Variants in ORC5 observed in about 807,000 individuals in gnomAD.
The protein encoded by ORC5 is protein phosphatase 1, regulatory subunit 117.
Under a neutral mutation model 58.8 loss-of-function variants are expected in ORC5, and 39 were observed. That is an observed-to-expected ratio of 0.66 (90% confidence interval 0.51 to 0.87). The LOEUF is 0.87. Among genes scored for constraint, ORC5 ranks in the 40% least tolerant of loss-of-function variants. ORC5 has a pLI of 0.00. For synonymous variants in ORC5, 218 were observed against 177.6 expected, an observed-to-expected ratio of 1.23 and a Z score of -1.81; for missense variants, 493 against 506.3, an observed-to-expected ratio of 0.97 and a Z score of 0.25.
At chr7:104,186,234 C>A (rs1799540233) in intron 6 of ORC5, among the ~76,000 whole-genome samples, 1 of 151,360 alleles carries the variant, frequency 6.6e-6, no homozygotes. Context: ...CAACCAAACA[C>A]AGATCACAAA....
At chr7:104,151,020 A>G (rs1283880640) in intron 12 of ORC5, among the ~76,000 whole-genome samples, 2 of 152,140 alleles carry the variant, frequency 1.3e-5, no homozygotes, top group African/African-American at 4.8e-5. Flanking sequence ...CGATAGTTGT[A>G]AGGGGAAAGT....
intron 12 of ORC5, among the ~76,000 whole-genome samples, chr7:104,153,759 C>T (rs1423405241): frequency 3.3e-5 from 5 of 152,108 alleles, no homozygotes; most frequent in Admixed American, 1.3e-4. Flanking sequence ...ATAATGCCCA[C>T]ACTCAAATCA....
At chr7:104,160,671 A>C (rs1477775558) in intron 12 of ORC5, among the ~76,000 whole-genome samples, 2 of 152,124 alleles carry the variant, frequency 1.3e-5, no homozygotes, top group African/African-American at 2.4e-5. Flanking sequence ...CTATCTGCAA[A>C]GTACATAGAT....
rs984621954 is a variant in ORC5, at chr7:104,136,206, C to T, written c.1262+575G>A. 2.6e-5 allele frequency among the ~76,000 whole-genome samples: 4 copies of T among 152,124 alleles called. No individual in the cohort carries two copies. Among genetic ancestry groups the T allele is most frequent in the African/African-American group, 2.4e-5 (1 of 41,404 alleles). ...TGTCCTTCCTAAGGCTTTTCTCTCA[C>T]ACTCTGTCCTTCAGTCAGGGATGTG... On this transcript the variant is annotated intron_variant, in intron 13 of 13. Coordinates refer to ENST00000297431, the MANE Select transcript of ORC5 (RefSeq NM_002553.4). The surrounding 1 kb of genome is among the most constrained non-coding windows in gnomAD (Gnocchi z 4.2).
chr7:104,205,815 G>C (rs757560420), intron 1 of ORC5, among the ~76,000 whole-genome samples: 7 of 152,084 alleles, frequency 4.6e-5, no homozygotes, highest in Non-Finnish European at 7.3e-5. Context: ...TCAGGAGTTC[G>C]CCTGGGAAAT....
intron 9 of ORC5, chr7:104,168,131 T>C (rs1296618120): frequency 5.3e-6 from 2 of 377,402 alleles, no homozygotes; most frequent in Non-Finnish European, 7.9e-6. Flanking sequence ...AATTACATTT[T>C]ATTCCATAAA....
In ORC5 at chr7:104,204,142, C is replaced by A; in HGVS notation, c.165G>T (p.Glu55Asp). The stretch of plus-strand genomic sequence containing the variant: ...AAATATTTAATATTTTTATTCTTAC[C>A]TCTAAAGTTTTCAACAACGTTTGTG... Reference protein sequence around the residue: ...YVTQTLLKTLELPHVFVNCVE... With the variant: ...YVTQTLLKTLDLPHVFVNCVE... The change falls in exon 2 of 14, where the codon GAG becomes GAT. Residue 55 changes from glutamate to aspartate, a missense_variant and splice_region_variant. Physicochemically the swap from Glu to Asp is conservative, Grantham distance 45. Coordinates refer to ENST00000297431, the MANE Select transcript of ORC5 (RefSeq NM_002553.4). 1 of 1,499,490 alleles carries A rather than the reference C, an allele frequency of 6.7e-7. No homozygotes were observed. Among genetic ancestry groups the A allele is most frequent in the Non-Finnish European group, 9.2e-7 (1 of 1,089,166 alleles). 92.9% of individuals were successfully genotyped at this position (1,499,490 alleles called of 1,614,324 possible).
chr7:104,207,836 T>C lies in ORC5; in HGVS notation c.69A>G (p.Gly23=). 2 of 1,613,764 alleles carry C rather than the reference T, an allele frequency of 1.2e-6. No individual in the cohort carries two copies. The highest frequency in any genetic ancestry group is 1.7e-6 in the Non-Finnish European group (2 of 1,179,746). ...SQVSILQSLF[G]ERHHFSFPSI... ...GAAGACAGTTTAACTACAATACCTC[T>C]CCAAACAAGGACTGCAAGATGGACA... Residue 23 remains glycine, a synonymous_variant, in exon 1 of 14, where the codon GGA becomes GGG. Coordinates refer to ENST00000297431, the MANE Select transcript of ORC5 (RefSeq NM_002553.4).
intron 12 of ORC5, among the ~76,000 whole-genome samples, chr7:104,158,204 C>T (rs1275833225): frequency 1.3e-5 from 2 of 152,110 alleles, no homozygotes; most frequent in African/African-American, 4.8e-5. Flanking sequence ...CTCAGAAGCA[C>T]TATCTAGCAT....
At chr7:104,196,314 C>T (rs183757072) in intron 4 of ORC5, among the ~76,000 whole-genome samples, 7 of 151,952 alleles carry the variant, frequency 4.6e-5, no homozygotes, top group Non-Finnish European at 7.4e-5. Context: ...GATGAGTATG[C>T]GAAAACCCAC....
rs1475702015 is a variant in ORC5 at position 104,133,642 on chromosome 7, C to A, written c.1262+3139G>T. Among the ~76,000 whole-genome samples the A allele has an allele frequency of 2.0e-5, 3 of 151,966 alleles. No individual in the cohort carries two copies. The highest frequency in any genetic ancestry group is 4.1e-4 in the South Asian group (2 of 4,824). On this transcript the variant is annotated intron_variant, in intron 13 of 13. Transcript: ENST00000297431. The surrounding 1 kb of genome is among the most constrained non-coding windows in gnomAD (Gnocchi z 4.7). ...TAAAAACAGGGGCATTATTAATACA[C>A]AGATGATTGTTGAAGTCACAGGTGT... is the stretch of plus-strand genomic sequence containing the variant.
At chr7:104,180,039 T>C (rs1799402731) in intron 8 of ORC5, among the ~76,000 whole-genome samples, 1 of 152,218 alleles carries the variant, frequency 6.6e-6, no homozygotes, top group South Asian at 2.1e-4. Flanking sequence ...CACTTGGCTT[T>C]TCTTAATGTG....
chr7:104,156,541 T>C (rs1453556423), intron 12 of ORC5, among the ~76,000 whole-genome samples: 1 of 151,706 alleles, frequency 6.6e-6, no homozygotes, highest in Non-Finnish European at 1.5e-5. Context: ...TGAAATACAA[T>C]GGAAATAAAC....
intron 8 of ORC5, among the ~76,000 whole-genome samples, chr7:104,173,100 C>CT (rs1217591689): frequency 6.6e-6 from 1 of 151,936 alleles, no homozygotes; most frequent in Non-Finnish European, 1.5e-5. Context: ...ACGGATAATG[C>CT]TTGATAAAAG....
At chr7:104,131,973 T>C (rs1798519029) in intron 13 of ORC5, among the ~76,000 whole-genome samples, 1 of 152,222 alleles carries the variant, frequency 6.6e-6, no homozygotes, top group Non-Finnish European at 1.5e-5. Context: ...AGCTATGTTA[T>C]ACTTGTTGCT....
intron 1 of ORC5, among the ~76,000 whole-genome samples, chr7:104,205,464 CTA>C (rs754077377): frequency 5.3e-4 from 81 of 152,206 alleles, no homozygotes; most frequent in Non-Finnish European, 2.6e-4. Flanking sequence ...AGTTAAGTCT[CTA>C]TTAATTATCA....
chr7:104,168,664 A>C, intron 8 of ORC5, 139 bp from the exon 9 acceptor site: 1 of 488,740 alleles, frequency 2.0e-6, no homozygotes, highest in Non-Finnish European at 3.6e-6. Flanking sequence ...TGCAATAAAC[A>C]TGTTTGTACC....
chr7:104,151,076 A>C (rs1798838816), intron 12 of ORC5, among the ~76,000 whole-genome samples: 2 of 152,284 alleles, frequency 1.3e-5, no homozygotes, highest in South Asian at 4.1e-4. Context: ...GTTTTCAGAG[A>C]GGAAACAGCT....
chr7:104,187,067 A>C (rs911638839), intron 6 of ORC5, among the ~76,000 whole-genome samples: 1 of 152,168 alleles, frequency 6.6e-6, no homozygotes, highest in Non-Finnish European at 1.5e-5. Context: ...AGATTCCCAC[A>C]GGATTCGAGT....
Sources: gnomAD v4.1 joint callset for allele counts (sites outside exome capture counted in the v4.1 genomes callset) on GRCh38, gnomAD v4.1.1 for gene constraint, Gnocchi (gnomAD v3.1) non-coding constraint, MANE v1.5 for transcripts, NCBI Gene and HGNC (gene_info 2026-07-23, HGNC 2026-07-21) for gene names.